The following FAM193A variants were observed in gnomAD, a reference collection of about 807,000 sequenced individuals.
The protein encoded by FAM193A is family with sequence similarity 193 member A.
A neutral mutation model predicts 126.5 loss-of-function variants in FAM193A; 22 were observed. The ratio of observed to expected loss-of-function variants is 0.17; its 90% CI spans 0.12 to 0.25. The LOEUF (loss-of-function observed/expected upper bound fraction) is 0.25. Ranked by LOEUF, FAM193A falls within the 10% of genes least tolerant of loss-of-function variation. The probability of loss-of-function intolerance (pLI) is 1.00; values close to 1 mark genes in which losing one functional copy is unlikely to be tolerated. For synonymous variants in FAM193A, 761 were observed against 646.8 expected, an observed-to-expected ratio of 1.18 and a Z score of -2.68; for missense variants, 1,675 against 1,672.8, an observed-to-expected ratio of 1.00 and a Z score of -0.02.
intron 20 of FAM193A, among the ~76,000 whole-genome samples, 199 bp from the exon 21 acceptor site, chr4:2,731,576 C>G (rs1481148506): frequency 6.6e-6 from 1 of 152,028 alleles, no homozygotes; most frequent in Non-Finnish European, 1.5e-5. Flanking sequence ...TTCCTCCTCC[C>G]GAGTCCTTTC....
intron 13 of FAM193A, among the ~76,000 whole-genome samples, chr4:2,688,299 G>T (rs1408832348): frequency 6.6e-6 from 1 of 152,164 alleles, no homozygotes; most frequent in Admixed American, 6.5e-5. Context: ...GAAAATGACG[G>T]ATTTTAGTGT....
At chr4:2,631,635 G>A (rs555632011) in intron 5 of FAM193A, among the ~76,000 whole-genome samples, 2 of 152,342 alleles carry the variant, frequency 1.3e-5, no homozygotes, top group South Asian at 4.1e-4. Context: ...ATTCATGCAG[G>A]CATGCATGCA....
chr4:2,633,226 C>A (rs891406980), intron 5 of FAM193A, among the ~76,000 whole-genome samples: 3 of 151,798 alleles, frequency 2.0e-5, no homozygotes, highest in African/African-American at 7.3e-5. Flanking sequence ...GATGAAACCC[C>A]GTCTCTACTA....
chr4:2,710,177 C>CTT (rs1300302935), intron 19 of FAM193A, among the ~76,000 whole-genome samples: 57 of 73,858 alleles, frequency 7.7e-4, no homozygotes, highest in Non-Finnish European at 9.4e-4. Context: ...TTTTTTTTTT[C>CTT]TTTTTTTTTT....
At position 2,664,427 on chromosome 4, in the gene FAM193A, C is replaced by T. The variant is rs371935384; in HGVS notation, c.2079+1139C>T. On this transcript the variant is annotated intron_variant, in intron 12 of 20. Transcript: ENST00000637812. ...AGAGTTTATATTTGGACATTCCATT[C>T]TGTTCATTTGATCTCTGTGTCTGTC... 2.6e-5 allele frequency among the ~76,000 whole-genome samples: 4 copies of T among 152,090 alleles called. 1 individual carries two copies. The highest frequency in any genetic ancestry group is 1.9e-4 in the East Asian group (1 of 5,176).
At chr4:2,574,743 G>A (rs1739489061) in intron 1 of FAM193A, among the ~76,000 whole-genome samples, 1 of 151,948 alleles carries the variant, frequency 6.6e-6, no homozygotes, top group South Asian at 2.1e-4. Flanking sequence ...TACATGCATG[G>A]CATTTTTAAA....
intron 1 of FAM193A, among the ~76,000 whole-genome samples, 189 bp downstream of exon 1, chr4:2,537,359 G>C (rs940398095): frequency 6.6e-6 from 1 of 152,184 alleles, no homozygotes; most frequent in African/African-American, 2.4e-5. Context: ...GGCCGTGCTC[G>C]GCGTGACGCG....
chr4:2,708,067 T>TG (rs1279190372), intron 19 of FAM193A: 6 of 397,810 alleles, frequency 1.5e-5, no homozygotes, highest in Non-Finnish European at 2.5e-5. Flanking sequence ...GTATTTCTAT[T>TG]GGATAGTGCT....
At chr4:2,676,128 G>A (rs1475341939) in intron 13 of FAM193A, among the ~76,000 whole-genome samples, 1 of 152,116 alleles carries the variant, frequency 6.6e-6, no homozygotes, top group African/African-American at 2.4e-5. Flanking sequence ...CAGTTGTTTG[G>A]GGTGTGTACC....
At chr4:2,573,444 C>G (rs183720957) in intron 1 of FAM193A, among the ~76,000 whole-genome samples, 43 of 149,048 alleles carry the variant, frequency 2.9e-4, no homozygotes, top group Middle Eastern at 3.5e-3. Context: ...ACCCAGGAGG[C>G]GGAGGTTGCA....
At chr4:2,726,449 G>T (rs1469244668) in intron 20 of FAM193A, among the ~76,000 whole-genome samples, 1 of 152,046 alleles carries the variant, frequency 6.6e-6, no homozygotes, top group East Asian at 1.9e-4. Context: ...AAGAGATTTG[G>T]GTTTCAGGGA....
intron 2 of FAM193A, among the ~76,000 whole-genome samples, chr4:2,611,597 T>G (rs1247964956): frequency 6.6e-6 from 1 of 152,050 alleles, no homozygotes; most frequent in Admixed American, 6.6e-5. Flanking sequence ...CTTAACGACT[T>G]GTTGAGCATC....
chr4:2,709,479 G>C (rs1328033188), intron 19 of FAM193A, among the ~76,000 whole-genome samples: 1 of 152,148 alleles, frequency 6.6e-6, no homozygotes, highest in East Asian at 1.9e-4. Context: ...AAGCCGAGGA[G>C]GGGTGCGGAT....
chr4:2,592,647 GCTAC>G (rs1740636017), intron 1 of FAM193A, among the ~76,000 whole-genome samples: 1 of 152,200 alleles, frequency 6.6e-6, no homozygotes, highest in Non-Finnish European at 1.5e-5. Context: ...GACTTGGAGA[GCTAC>G]CCAGACCGAG....
chr4:2,590,473 A>AC (rs1740477047), intron 1 of FAM193A, among the ~76,000 whole-genome samples: 3 of 79,860 alleles, frequency 3.8e-5, no homozygotes, highest in Admixed American at 1.0e-4. Context: ...CAAAAAAAAA[A>AC]AACAAAAAAA....
intron 1 of FAM193A, among the ~76,000 whole-genome samples, chr4:2,543,913 A>C (rs1485656401): frequency 6.7e-6 from 1 of 149,540 alleles, no homozygotes; most frequent in Non-Finnish European, 1.5e-5. Flanking sequence ...ATTAGCCACC[A>C]TACAGCGTAT....
intron 4 of FAM193A, among the ~76,000 whole-genome samples, chr4:2,630,380 A>G (rs1287761185): frequency 6.6e-6 from 1 of 152,122 alleles, no homozygotes; most frequent in Non-Finnish European, 1.5e-5. Context: ...GATAAGCCTA[A>G]TACAAACCCA....
intron 1 of FAM193A, among the ~76,000 whole-genome samples, chr4:2,550,903 C>T (rs980047415): frequency 5.9e-5 from 9 of 151,834 alleles, no homozygotes; most frequent in Non-Finnish European, 1.0e-4. Flanking sequence ...CGGGTTCACG[C>T]CATTCTCCTG....
chr4:2,707,822 C>T (rs952547555), intron 19 of FAM193A, among the ~76,000 whole-genome samples: 10 of 151,704 alleles, frequency 6.6e-5, no homozygotes, highest in Admixed American at 4.6e-4. Flanking sequence ...CTTTATTTCC[C>T]AGGTTCAATT....
Sources: allele counts gnomAD v4.1 joint callset (sites outside exome capture counted in the v4.1 genomes callset), GRCh38; gene constraint gnomAD v4.1.1; transcripts MANE v1.5; gene names NCBI Gene and HGNC (gene_info 2026-07-23, HGNC 2026-07-21).